Variants in BNC2 observed in about 807,000 individuals in gnomAD.
BNC2 encodes the protein basonuclin zinc finger protein 2, also known as zinc finger protein basonuclin-2.
BNC2 carries 20 observed loss-of-function variants against 76.3 expected under a neutral mutation model. That is an observed-to-expected ratio of 0.26 (90% CI 0.18 to 0.38). BNC2 has a LOEUF of 0.38. BNC2 is among the 10% of genes least tolerant of loss of function. BNC2 has a pLI of 1.00. For synonymous variants in BNC2, 582 were observed against 514.8 expected, an observed-to-expected ratio of 1.13 and a Z score of -1.77; for missense variants, 1,382 against 1,399.8, an observed-to-expected ratio of 0.99 and a Z score of 0.20.
At chr9:16,746,961 C>CAAAAAAAAAA (rs34521803) in intron 1 of BNC2, among the ~76,000 whole-genome samples, 1 of 138,702 alleles carries the variant, frequency 7.2e-6, no homozygotes, top group Non-Finnish European at 1.5e-5. Flanking sequence ...GACTCCATCT[C>CAAAAAAAAAA]AAAAAAAAAA....
chr9:16,781,261 G>GAT (rs1477671830), intron 1 of BNC2, among the ~76,000 whole-genome samples: 3 of 16,240 alleles, frequency 1.8e-4, no homozygotes, highest in African/African-American at 6.8e-4. Context: ...GGGCTGGACT[G>GAT]ATATTGGAGG....
At chr9:16,667,056 A>G (rs899318990) in intron 3 of BNC2, among the ~76,000 whole-genome samples, 2 of 151,740 alleles carry the variant, frequency 1.3e-5, no homozygotes, top group Admixed American at 1.3e-4. Context: ...AATTTCAGAA[A>G]AGCACACATC....
chr9:16,500,457 G>A (rs967577457), intron 5 of BNC2, among the ~76,000 whole-genome samples: 1 of 151,948 alleles, frequency 6.6e-6, no homozygotes, highest in Non-Finnish European at 1.5e-5. Context: ...TTTTCTAAGG[G>A]TTCCAAACCC....
intron 3 of BNC2, among the ~76,000 whole-genome samples, chr9:16,687,540 G>T (rs917930644): frequency 6.6e-6 from 1 of 151,982 alleles, no homozygotes; most frequent in African/African-American, 2.4e-5. Flanking sequence ...TCTCCCCAGG[G>T]AGCAATAGAA....
chr9:16,434,284 A>C (rs539271505), intron 6 of BNC2, among the ~76,000 whole-genome samples: 9 of 152,326 alleles, frequency 5.9e-5, no homozygotes, highest in African/African-American at 2.2e-4. Context: ...ATATGAAGAC[A>C]AAACTGAATA....
chr9:16,702,030 T>TA (rs1394605105), intron 3 of BNC2, among the ~76,000 whole-genome samples: 4 of 151,872 alleles, frequency 2.6e-5, no homozygotes, highest in South Asian at 2.1e-4. Flanking sequence ...AATCCTGGGC[T>TA]AAAAAACAAT....
At chr9:16,588,589 T>C (rs1819836423) in intron 3 of BNC2, among the ~76,000 whole-genome samples, 1 of 152,188 alleles carries the variant, frequency 6.6e-6, no homozygotes, top group Non-Finnish European at 1.5e-5. Context: ...ATTATAAATA[T>C]TCATATGCAA....
intron 4 of BNC2, among the ~76,000 whole-genome samples, chr9:16,563,554 T>C (rs1819077617): frequency 6.6e-6 from 1 of 152,218 alleles, no homozygotes; most frequent in African/African-American, 2.4e-5. Context: ...GAGTAATACG[T>C]AGGATGGTTT....
At chr9:16,514,092 T>G (rs1822822072) in intron 5 of BNC2, among the ~76,000 whole-genome samples, 2 of 152,270 alleles carry the variant, frequency 1.3e-5, no homozygotes, top group South Asian at 4.1e-4. Context: ...AGTTTTCCAG[T>G]GGAAATCTGA....
chr9:16,507,929 A>C (rs751945448), intron 5 of BNC2, among the ~76,000 whole-genome samples: 3 of 152,238 alleles, frequency 2.0e-5, no homozygotes, highest in Non-Finnish European at 4.4e-5. Context: ...AGTACATAAC[A>C]ATCGTTCATT....
chr9:16,653,940 C>G (rs1265605590), intron 3 of BNC2, among the ~76,000 whole-genome samples: 3 of 151,922 alleles, frequency 2.0e-5, no homozygotes, highest in Non-Finnish European at 4.4e-5. Flanking sequence ...TCCTCGGCCC[C>G]CCTCCTGCCT....
At chr9:16,510,501 T>C (rs550635731) in intron 5 of BNC2, among the ~76,000 whole-genome samples, 26 of 152,348 alleles carry the variant, frequency 1.7e-4, no homozygotes, top group Admixed American at 8.5e-4. Context: ...ATTTGGTGTA[T>C]AATCTACAAA....
intron 3 of BNC2, among the ~76,000 whole-genome samples, chr9:16,640,201 C>A (rs866963132): frequency 6.6e-6 from 1 of 152,006 alleles, no homozygotes; most frequent in South Asian, 2.1e-4. Context: ...ACAAAGTCCT[C>A]AGACTACAAA....
chr9:16,764,739 G>GTTT (rs77160699), intron 1 of BNC2, among the ~76,000 whole-genome samples: 1,688 of 149,230 alleles, frequency 0.011, 13 homozygotes, highest in African/African-American at 0.028. Flanking sequence ...TTATTTGTCT[G>GTTT]TTTTTTTTTT....
intron 3 of BNC2, among the ~76,000 whole-genome samples, chr9:16,664,326 C>G (rs1212234630): frequency 6.6e-6 from 1 of 152,198 alleles, no homozygotes; most frequent in African/African-American, 2.4e-5. Context: ...TAAATCTTCC[C>G]TAATGCTGCA....
intron 5 of BNC2, among the ~76,000 whole-genome samples, chr9:16,497,087 G>A (rs1489309376): frequency 6.6e-6 from 1 of 152,234 alleles, no homozygotes; most frequent in Non-Finnish European, 1.5e-5. Flanking sequence ...GCAGGAAGGG[G>A]AAGGGCTCAG....
chr9:16,773,904 C>T (rs770902139), intron 1 of BNC2, among the ~76,000 whole-genome samples: 1 of 152,178 alleles, frequency 6.6e-6, no homozygotes, highest in South Asian at 2.1e-4. Flanking sequence ...TTATCCCACG[C>T]CCCCAATCTC....
intron 5 of BNC2, among the ~76,000 whole-genome samples, chr9:16,510,679 C>T (rs1237814842): frequency 6.6e-6 from 1 of 152,156 alleles, no homozygotes; most frequent in Non-Finnish European, 1.5e-5. Flanking sequence ...AACTATGGCA[C>T]ATGACAGGAT....
At chr9:16,842,407 A>C (rs1427440842) in intron 1 of BNC2, among the ~76,000 whole-genome samples, 2 of 152,180 alleles carry the variant, frequency 1.3e-5, no homozygotes, top group Non-Finnish European at 2.9e-5. Flanking sequence ...TCTCAGAAAC[A>C]CTCCAGCATA....
Sources: allele counts gnomAD v4.1 joint callset (sites outside exome capture counted in the v4.1 genomes callset), GRCh38; gene constraint gnomAD v4.1.1; transcripts MANE v1.5; gene names NCBI Gene and HGNC (gene_info 2026-07-23, HGNC 2026-07-21).